ARHGAP12: variants seen among roughly 807,000 people sequenced by gnomAD.
ARHGAP12 encodes the protein rho GTPase-activating protein 12.
A neutral mutation model predicts 108.6 loss-of-function variants in ARHGAP12; 64 were observed. That is an observed-to-expected ratio of 0.59 (90% CI 0.48 to 0.73). ARHGAP12 has a LOEUF of 0.73. Ranked by LOEUF, ARHGAP12 falls within the 30% of genes least tolerant of loss-of-function variation. The probability of loss-of-function intolerance (pLI) is 0.00; values close to 1 mark genes in which losing one functional copy is unlikely to be tolerated. For missense variants in ARHGAP12, 940 were observed against 1,005.9 expected (o/e 0.93, Z 0.89); for synonymous variants, 312 against 337.2 (o/e 0.93, Z 0.82).
intron 3 of ARHGAP12, among the ~76,000 whole-genome samples, chr10:31,877,091 C>A (rs569754851): frequency 1.3e-5 from 2 of 152,264 alleles, no homozygotes; most frequent in African/African-American, 4.8e-5. Context: ...ATCAAACAGG[C>A]AAATGAGAAA....
chr10:31,884,186 TG>T (rs1838104252), intron 3 of ARHGAP12, among the ~76,000 whole-genome samples: 1 of 151,948 alleles, frequency 6.6e-6, no homozygotes, highest in Non-Finnish European at 1.5e-5. Flanking sequence ...AGAATTCATC[TG>T]TGTGAGTTCA....
intron 10 of ARHGAP12, among the ~76,000 whole-genome samples, chr10:31,827,420 A>T (rs957207190): frequency 6.6e-6 from 1 of 152,214 alleles, no homozygotes; most frequent in African/African-American, 2.4e-5. Flanking sequence ...GTTGCTAGGA[A>T]GATAAATGAA....
chr10:31,902,623 A>G (rs1838974682), intron 3 of ARHGAP12, among the ~76,000 whole-genome samples: 1 of 152,020 alleles, frequency 6.6e-6, no homozygotes, highest in Non-Finnish European at 1.5e-5. Flanking sequence ...ATGAGCTACA[A>G]TCGTGCCACT....
At chr10:31,859,666 T>C (rs1564394825) in intron 4 of ARHGAP12, among the ~76,000 whole-genome samples, 1 of 152,238 alleles carries the variant, frequency 6.6e-6, no homozygotes, top group Non-Finnish European at 1.5e-5. Flanking sequence ...TTCCTATGTA[T>C]ACTTCAAATT....
At chr10:31,844,201 T>A (rs1484571424) in intron 6 of ARHGAP12, among the ~76,000 whole-genome samples, 4 of 152,162 alleles carry the variant, frequency 2.6e-5, no homozygotes. Flanking sequence ...AAAGAGAAGG[T>A]GTTTTGTTTA....
At chr10:31,817,504 T>C (rs1835248920) in intron 13 of ARHGAP12, among the ~76,000 whole-genome samples, 1 of 152,198 alleles carries the variant, frequency 6.6e-6, no homozygotes, top group African/African-American at 2.4e-5. Flanking sequence ...TACTATGTAG[T>C]AAGCACCATT....
intron 4 of ARHGAP12, 143 bp downstream of exon 4, chr10:31,861,252 C>G: frequency 9.6e-7 from 1 of 1,036,500 alleles, no homozygotes; most frequent in East Asian, 2.6e-5. Context: ...TTTAGTAAAG[C>G]TTGGAAAGAA....
At chr10:31,828,665 C>T (rs886362985) in intron 10 of ARHGAP12, among the ~76,000 whole-genome samples, 3 of 151,962 alleles carry the variant, frequency 2.0e-5, no homozygotes, top group Admixed American at 6.6e-5. Flanking sequence ...TAAGCACTTG[C>T]GTGACTTAGT....
chr10:31,865,747 G>A (rs192930343), intron 3 of ARHGAP12, among the ~76,000 whole-genome samples: 7 of 152,002 alleles, frequency 4.6e-5, no homozygotes, highest in East Asian at 1.9e-4. Context: ...GCGTGGTGGC[G>A]GGCGCCTGTA....
rs1026792949 is a variant in ARHGAP12 at position 31,861,797 on chromosome 10, T to A, written c.685-139A>T. 8 of 842,772 alleles carry A rather than the reference T, an allele frequency of 9.5e-6. No homozygotes were observed. The South Asian group carries it at 1.3e-4, about 14-fold the overall frequency. 52.2% of individuals were successfully genotyped at this position (842,772 alleles called of 1,614,324 possible). A position where few individuals can be genotyped will look rare whatever the true frequency, so the allele number is the denominator to read the frequency against. ...AGGTGAATATATTCTGAGGAAATAA[T>A]AATTTAACAGTTTTAATATTCATAG... On this transcript the variant is annotated intron_variant, in intron 3 of 19. Transcript: ENST00000344936.
intron 3 of ARHGAP12, among the ~76,000 whole-genome samples, chr10:31,899,716 A>AT (rs1838844738): frequency 6.6e-6 from 1 of 152,210 alleles, no homozygotes; most frequent in South Asian, 2.1e-4. Flanking sequence ...TTTCACAAAA[A>AT]ATTAACTAAA....
chr10:31,838,249 G>A (rs1564381076), intron 9 of ARHGAP12, among the ~76,000 whole-genome samples: 1 of 152,148 alleles, frequency 6.6e-6, no homozygotes, highest in African/African-American at 2.4e-5. Flanking sequence ...AGGCTCCTTT[G>A]AGGAACTGAG....
chr10:31,892,675 T>C (rs74424797), intron 3 of ARHGAP12, among the ~76,000 whole-genome samples: 1 of 152,172 alleles, frequency 6.6e-6, no homozygotes, highest in African/African-American at 2.4e-5. Context: ...CATCCCACTG[T>C]CAACGTTAGA....
Position 31,812,764 on chromosome 10 carries a change from T to G in ARHGAP12, c.1894A>C (p.Lys632Gln). The G allele has an allele frequency of 6.2e-7, 1 of 1,609,358 alleles. No individual in the cohort carries two copies. Among genetic ancestry groups the G allele is most frequent in the Admixed American group, 1.7e-5 (1 of 59,770 alleles). The part of the protein sequence containing the change: ...EQKKTKKNLK[K>Q]FLTRRPTLQA... ...AAAGTGGGGCGTCGTGTAAGAAACT[T>G]CTTTAAGTTTTTCTTGGTTTTTTTC... The change falls in exon 15 of 20, where the codon AAG (lysine) becomes CAG (glutamine). Residue 632 changes from lysine to glutamine, a missense_variant. By Grantham distance (53) the Lys-to-Gln change is moderately conservative (BLOSUM62 1). Transcript: ENST00000344936.
chr10:31,841,073 ACATT>A (rs1451611705), intron 7 of ARHGAP12, among the ~76,000 whole-genome samples: 14 of 152,278 alleles, frequency 9.2e-5, no homozygotes, highest in East Asian at 7.7e-4. Context: ...TTTTCATAGC[ACATT>A]CAGTCCCACA....
chr10:31,891,787 TTC>T (rs2132403111), intron 3 of ARHGAP12, among the ~76,000 whole-genome samples: 1 of 152,326 alleles, frequency 6.6e-6, no homozygotes, highest in East Asian at 1.9e-4. Flanking sequence ...TTTCTTTTTA[TTC>T]TTTTTTCTCT....
intron 15 of ARHGAP12, among the ~76,000 whole-genome samples, chr10:31,811,335 C>T (rs1221275402): frequency 3.3e-5 from 5 of 152,200 alleles, no homozygotes; most frequent in Non-Finnish European, 7.3e-5. Context: ...CACGTACCAA[C>T]ATTTGATTTC....
chr10:31,881,419 T>C (rs1313962712), intron 3 of ARHGAP12, among the ~76,000 whole-genome samples: 1 of 152,218 alleles, frequency 6.6e-6, no homozygotes, highest in Non-Finnish European at 1.5e-5. Flanking sequence ...ATGCAAAGTA[T>C]ACATTTATTT....
chr10:31,915,483 C>A (rs1032685485), intron 1 of ARHGAP12, among the ~76,000 whole-genome samples: 1 of 151,578 alleles, frequency 6.6e-6, no homozygotes, highest in African/African-American at 2.4e-5. Flanking sequence ...GACATACAAT[C>A]ATAGTCAAAT....
Sources: gnomAD v4.1 joint callset for allele counts (sites outside exome capture counted in the v4.1 genomes callset) on GRCh38, gnomAD v4.1.1 for gene constraint, MANE v1.5 for transcripts, NCBI Gene and HGNC (gene_info 2026-07-23, HGNC 2026-07-21) for gene names.